OR2J2: variants seen among roughly 807,000 people sequenced by gnomAD.
OR2J2 encodes olfactory receptor family 2 subfamily J member 2.
In OR2J2, 13 loss-of-function variants were observed where a neutral mutation model predicts 16.9. That is an observed-to-expected ratio of 0.77 (90% confidence interval 0.50 to 1.23). OR2J2 has a LOEUF of 1.23. Among genes scored for constraint, OR2J2 ranks in the 50% most tolerant of loss-of-function variants. The pLI, the probability that OR2J2 is intolerant of heterozygous loss-of-function variation, is 0.00. For synonymous variants in OR2J2, 125 were observed against 141.2 expected, an observed-to-expected ratio of 0.89 and a Z score of 0.81; for missense variants, 341 against 379.1, an observed-to-expected ratio of 0.90 and a Z score of 0.84.
Position 29,173,821 on chromosome 6 carries a change from C to T in OR2J2, c.186C>T (p.Phe62=), listed in dbSNP as rs1449215586. The change falls in exon 2 of 2, where the codon TTC becomes TTT. Residue 62 remains phenylalanine (F), a synonymous_variant. Transcript: ENST00000641417. ...VDSHLHTPMY[F]FLSNLSFLDL... ...CCCATCTCCACACACCAATGTACTTCTTCCTTTCAAACCTCTCATTTCTGG... is the reference window on the plus strand; with the variant it reads ...CCCATCTCCACACACCAATGTACTTTTTCCTTTCAAACCTCTCATTTCTGG... The T allele has an allele frequency of 6.2e-7, 1 of 1,613,234 alleles. No individual in the cohort carries two copies. Among genetic ancestry groups the T allele is most frequent in the African/African-American group, 1.3e-5 (1 of 74,686 alleles).
rs1210441054 is a variant in OR2J2 at position 29,173,849 on chromosome 6, C to T, written c.214C>T (p.Leu72Phe). The change falls in exon 2 of 2, where the codon CTC becomes TTC. Residue 72 changes from leucine to phenylalanine, a missense_variant. Transcript: ENST00000641417. ...FFLSNLSFLD[L>F]CYTTSSIPQL... ...CCTTTCAAACCTCTCATTTCTGGAT[C>T]TCTGCTACACCACCAGCTCTATCCC... 1.2e-6 allele frequency: 2 copies of T among 1,612,744 alleles called. No homozygotes were observed. The highest frequency in any genetic ancestry group is 3.3e-5 in the Admixed American group (2 of 59,726).
chr6:29,172,204 T>C (rs1057337988), intron 1 of OR2J2, among the ~76,000 whole-genome samples: 3 of 152,148 alleles, frequency 2.0e-5, no homozygotes, highest in South Asian at 2.1e-4. Flanking sequence ...AGGTGCCCAC[T>C]ACCATGCCTG....
At position 29,173,766 on chromosome 6, in the gene OR2J2, T is replaced by C. The variant is rs1397847495; in HGVS notation, c.131T>C (p.Leu44Pro). The C allele has an allele frequency of 6.2e-7, 1 of 1,613,676 alleles. No individual in the cohort carries two copies. Among genetic ancestry groups the C allele is most frequent in the Non-Finnish European group, 8.5e-7 (1 of 1,179,938 alleles). ...IFYLMTLTGN[L>P]FIIILSYVDS... is the part of the protein sequence containing the mutation. ...TACCTGATGACACTGACAGGAAACC[T>C]GTTCATCATCATCCTGTCATACGTG... The change falls in exon 2 of 2, where the codon CTG (leucine) becomes CCG (proline). Residue 44 changes from leucine (L) to proline (P), a missense_variant. Transcript: ENST00000641417.
chr6:29,171,384 A>T (rs1582013135), intron 1 of OR2J2, among the ~76,000 whole-genome samples: 1 of 152,132 alleles, frequency 6.6e-6, no homozygotes, highest in Non-Finnish European at 1.5e-5. Flanking sequence ...ACAAATTGGC[A>T]TAATGTCTCT....
At position 29,173,704 on chromosome 6, in the gene OR2J2, G is replaced by A. The variant is rs754287734; in HGVS notation, c.69G>A (p.Gln23=). ...FILLGFSNWP[Q]LEVVLFVVIL... is the part of the protein sequence containing the mutation. ...TACTTGGATTTTCTAATTGGCCTCA[G>A]CTGGAAGTAGTTCTCTTTGTGGTTA... Residue 23 remains glutamine, a synonymous_variant, in exon 2 of 2, where the codon CAG becomes CAA. Transcript: ENST00000641417. 67 of 1,613,520 alleles carry A rather than the reference G, an allele frequency of 4.2e-5. 1 individual carries two copies. The East Asian group carries it at 1.4e-3, about 34-fold the overall frequency.
At chr6:29,172,805 T>C (rs1343449411) in intron 1 of OR2J2, among the ~76,000 whole-genome samples, 3 of 152,164 alleles carry the variant, frequency 2.0e-5, no homozygotes, top group Non-Finnish European at 4.4e-5. Context: ...TAAGTCTTCT[T>C]GTCCTTGTCT....
rs1765726253 is a variant in OR2J2, at chr6:29,174,568, G to C, written c.933G>C (p.Gly311=). Residue 311 remains glycine (G), a synonymous_variant, in exon 2 of 2, where the codon GGG becomes GGC. Coordinates refer to ENST00000641417, the MANE Select transcript of OR2J2 (RefSeq NM_030905.3). ...AGAGACTATTGGGGTGGGAGTGGGGGAAGTGACAGGGAAATCATGTTGTCT... is the reference window on the plus strand; with the variant it reads ...AGAGACTATTGGGGTGGGAGTGGGGCAAGTGACAGGGAAATCATGTTGTCT... The part of the protein sequence containing the change: ...AAKRLLGWEW[G]K 1 of 1,595,632 alleles carries C rather than the reference G, an allele frequency of 6.3e-7. No homozygotes were observed. Among genetic ancestry groups the C allele is most frequent in the Middle Eastern group, 1.7e-4 (1 of 5,958 alleles).
chr6:29,173,700 C>T lies in OR2J2; in HGVS notation c.65C>T (p.Pro22Leu). 1 of 1,613,276 alleles carries T rather than the reference C, an allele frequency of 6.2e-7. No individual in the cohort carries two copies. ...FFILLGFSNW[P>L]QLEVVLFVVI... Reference sequence around the variant, plus strand: ...ATTCTACTTGGATTTTCTAATTGGCCTCAGCTGGAAGTAGTTCTCTTTGTG... The same window carrying T: ...ATTCTACTTGGATTTTCTAATTGGCTTCAGCTGGAAGTAGTTCTCTTTGTG... Residue 22 changes from proline (P) to leucine (L), a missense_variant, in exon 2 of 2, where the codon CCT (proline) becomes CTT (leucine). Pro to Leu is a moderately conservative substitution (Grantham distance 98). Transcript: ENST00000641417.
intron 1 of OR2J2, 26 bp from the exon 2 acceptor site, chr6:29,173,593 T>C: frequency 2.0e-6 from 3 of 1,469,440 alleles, no homozygotes; most frequent in Non-Finnish European, 2.8e-6. Flanking sequence ...TGGACAGACT[T>C]TGAGTTTATG....
chr6:29,172,058 ATAT>A lies in OR2J2; in HGVS notation c.-18+956_-18+958del, dbSNP rs1450721431. 4.7e-4 allele frequency among the ~76,000 whole-genome samples: 72 copies of A among 151,940 alleles called. 3 individuals are homozygous for A. Among genetic ancestry groups the A allele is most frequent in the Admixed American group, 4.7e-3 (71 of 15,214 alleles). ...AACACTGAAGGTGAGTCGGGTGTAG[ATAT>A]TAGTTTTTTGAGACAGAGTCTTGCT... On this transcript the variant is annotated intron_variant, in intron 1 of 1. Coordinates refer to ENST00000641417, the MANE Select transcript of OR2J2 (RefSeq NM_030905.3).
In OR2J2 at chr6:29,170,919, A is replaced by G. The variant is rs564208891; in HGVS notation, c.-204A>G. 3.3e-5 allele frequency: 5 copies of G among 152,278 alleles called. No individual in the cohort carries two copies. The highest frequency in any genetic ancestry group is 2.1e-4 in the South Asian group (1 of 4,822). 9.4% of individuals were successfully genotyped at this position (152,278 alleles called of 1,614,324 possible). A position where few individuals can be genotyped will look rare whatever the true frequency, so the allele number is the denominator to read the frequency against. On this transcript the variant is annotated 5_prime_UTR_variant, in exon 1 of 2. Coordinates refer to ENST00000641417, the MANE Select transcript of OR2J2 (RefSeq NM_030905.3). ...GGCTCTCTTTTCTGTAGCAATGACA[A>G]TCACAGTTATTTCCAGACTCTGTTC...
At chr6:29,173,518 C>A in intron 1 of OR2J2, 101 bp from the exon 2 acceptor site, 1 of 719,754 alleles carries the variant, frequency 1.4e-6, no homozygotes, top group Non-Finnish European at 2.4e-6. Flanking sequence ...CATTATGGTG[C>A]ACACTCTCTG....
In OR2J2 at chr6:29,174,505, C is replaced by T. The variant is rs1765717238; in HGVS notation, c.870C>T (p.Ile290=). 15 of 1,613,886 alleles carry T rather than the reference C, an allele frequency of 9.3e-6. No individual in the cohort carries two copies. The highest frequency in any genetic ancestry group is 1.1e-5 in the Non-Finnish European group (13 of 1,179,950). ...TVVTPSLNPL[I]YTLRNKHVKG... is the part of the protein sequence containing the mutation. ...TCACACCGAGTCTTAATCCTCTAAT[C>T]TACACTCTCAGAAACAAGCATGTAA... The change falls in exon 2 of 2, where the codon ATC becomes ATT. Residue 290 remains isoleucine, a synonymous_variant. Transcript: ENST00000641417.
In OR2J2 at chr6:29,173,610, T is replaced by G. The variant is rs1024011658; in HGVS notation, c.-17-9T>G. On this transcript the variant is annotated splice_polypyrimidine_tract_variant and intron_variant, in intron 1 of 1. Coordinates refer to ENST00000641417, the MANE Select transcript of OR2J2 (RefSeq NM_030905.3). Reference sequence around the variant, plus strand: ...GACAGACTTTGAGTTTATGTGGTTCTTTCTTTAGGTATAAGAAAAAGATGA... The same window carrying G: ...GACAGACTTTGAGTTTATGTGGTTCGTTCTTTAGGTATAAGAAAAAGATGA... 3 of 1,540,082 alleles carry G rather than the reference T, an allele frequency of 1.9e-6. No homozygotes were observed. The highest frequency in any genetic ancestry group is 2.6e-6 in the Non-Finnish European group (3 of 1,136,666).
rs1474933028 is a variant in OR2J2 at position 29,171,006 on chromosome 6, T to C, written c.-117T>C. 2.6e-5 allele frequency: 4 copies of C among 152,120 alleles called. No individual in the cohort carries two copies. Among genetic ancestry groups the C allele is most frequent in the Non-Finnish European group, 5.9e-5 (4 of 68,032 alleles). 9.4% of individuals were successfully genotyped at this position (152,120 alleles called of 1,614,324 possible). A position where few individuals can be genotyped will look rare whatever the true frequency, so the allele number is the denominator to read the frequency against. Reference sequence around the variant, plus strand: ...TAAGAAGGCAATTAGGTTGATGTTTTTAGGTTGTATGGCAACCAGAGAGCC... The same window carrying C: ...TAAGAAGGCAATTAGGTTGATGTTTCTAGGTTGTATGGCAACCAGAGAGCC... On this transcript the variant is annotated 5_prime_UTR_variant, in exon 1 of 2. Coordinates refer to ENST00000641417, the MANE Select transcript of OR2J2 (RefSeq NM_030905.3).
Position 29,175,157 on chromosome 6 carries a change from G to GAAC in OR2J2, c.*585_*587dup, listed in dbSNP as rs1273386550. 6.6e-6 allele frequency: 1 copy of GAAC among 152,120 alleles called. No individual in the cohort carries two copies. The highest frequency in any genetic ancestry group is 1.5e-5 in the Non-Finnish European group (1 of 68,042). 9.4% of individuals were successfully genotyped at this position (152,120 alleles called of 1,614,324 possible). A position where few individuals can be genotyped will look rare whatever the true frequency, so the allele number is the denominator to read the frequency against. ...TGTAGGTCTACATACTTGTCACATT[G>GAAC]AACAGTAAACTAATATCTCTTTAAA... On this transcript the variant is annotated 3_prime_UTR_variant, in exon 2 of 2. Transcript: ENST00000641417.
Position 29,174,509 on chromosome 6 carries a change from A to T in OR2J2, c.874A>T (p.Thr292Ser). 6.2e-7 allele frequency: 1 copy of T among 1,613,444 alleles called. No individual in the cohort carries two copies. The highest frequency in any genetic ancestry group is 8.5e-7 in the Non-Finnish European group (1 of 1,179,878). Reference sequence around the variant, plus strand: ...ACCGAGTCTTAATCCTCTAATCTACACTCTCAGAAACAAGCATGTAAAAGG... The same window carrying T: ...ACCGAGTCTTAATCCTCTAATCTACTCTCTCAGAAACAAGCATGTAAAAGG... The part of the protein sequence containing the change: ...VTPSLNPLIY[T>S]LRNKHVKGAA... Residue 292 changes from threonine to serine, a missense_variant, in exon 2 of 2, where the codon ACT becomes TCT. Coordinates refer to ENST00000641417, the MANE Select transcript of OR2J2 (RefSeq NM_030905.3).
chr6:29,172,536 GA>G (rs1765559161), intron 1 of OR2J2, among the ~76,000 whole-genome samples: 1 of 152,038 alleles, frequency 6.6e-6, no homozygotes, highest in African/African-American at 2.4e-5. Flanking sequence ...TAATGTGCAA[GA>G]GAAAATAAGC....
chr6:29,174,203 T>C lies in OR2J2; in HGVS notation c.568T>C (p.Cys190Arg). The C allele has an allele frequency of 6.2e-7, 1 of 1,613,840 alleles. No homozygotes were observed. The highest frequency in any genetic ancestry group is 8.5e-7 in the Non-Finnish European group (1 of 1,179,968). Reference sequence around the variant, plus strand: ...AGTTCCAGCACTTCTGCGTTTATCATGTGTTGACACCCATGCAAATGAGCT... The same window carrying C: ...AGTTCCAGCACTTCTGCGTTTATCACGTGTTGACACCCATGCAAATGAGCT... ...CEVPALLRLSCVDTHANELTL... is the reference protein window; with the variant it reads ...CEVPALLRLSRVDTHANELTL... The change falls in exon 2 of 2, where the codon TGT becomes CGT. Residue 190 changes from cysteine to arginine, a missense_variant. Transcript: ENST00000641417.
Sources: gnomAD v4.1 joint callset for allele counts (sites outside exome capture counted in the v4.1 genomes callset) on GRCh38, gnomAD v4.1.1 for gene constraint, MANE v1.5 for transcripts, NCBI Gene and HGNC (gene_info 2026-07-23, HGNC 2026-07-21) for gene names.